ABLIM1: variants seen among roughly 807,000 people sequenced by gnomAD.
ABLIM1 encodes the protein actin-binding LIM protein 1.
In ABLIM1, 40 loss-of-function variants were observed where a neutral mutation model predicts 107.0. The ratio of observed to expected loss-of-function variants is 0.37; its 90% CI spans 0.29 to 0.49. The LOEUF (loss-of-function observed/expected upper bound fraction) is 0.49, where lower values mean the gene tolerates loss of function less well. Among genes scored for constraint, ABLIM1 ranks in the 20% least tolerant of loss-of-function variants. The pLI, the probability that ABLIM1 is intolerant of heterozygous loss-of-function variation, is 0.97. For synonymous variants in ABLIM1, 357 were observed against 357.3 expected (o/e 1.00, Z 0.01); for missense variants, 857 against 1,008.5 (o/e 0.85, Z 2.04).
intron 12 of ABLIM1, among the ~76,000 whole-genome samples, chr10:114,455,038 G>A (rs994814264): frequency 1.3e-5 from 2 of 152,114 alleles, no homozygotes; most frequent in African/African-American, 4.8e-5. Flanking sequence ...ATAGAGGTCT[G>A]GCCAGTTGCT....
At position 114,431,597 on chromosome 10, in the gene ABLIM1, T is replaced by C. The variant is rs1264319563; in HGVS notation, c.*4663A>G. 6.6e-6 allele frequency: 1 copy of C among 152,206 alleles called. No homozygotes were observed. The highest frequency in any genetic ancestry group is 2.1e-4 in the South Asian group (1 of 4,818). 9.4% of individuals were successfully genotyped at this position (152,206 alleles called of 1,614,324 possible). A position where few individuals can be genotyped will look rare whatever the true frequency, so the allele number is the denominator to read the frequency against. On this transcript the variant is annotated 3_prime_UTR_variant, in exon 23 of 23. Coordinates refer to ENST00000533213, the MANE Select transcript of ABLIM1 (RefSeq NM_002313.7). ...GTTTCCTCTGCTGTAAAGAAACGTATGCATATATGATCAGTAAGCAGCTCA... is the reference window on the plus strand; with the variant it reads ...GTTTCCTCTGCTGTAAAGAAACGTACGCATATATGATCAGTAAGCAGCTCA...
chr10:114,552,253 C>G (rs2068154963), intron 4 of ABLIM1, among the ~76,000 whole-genome samples: 1 of 152,152 alleles, frequency 6.6e-6, no homozygotes, highest in Admixed American at 6.5e-5. Context: ...CACGCTCACT[C>G]CAACTAAGCT....
At chr10:114,615,229 C>A (rs1163182186) in intron 1 of ABLIM1, among the ~76,000 whole-genome samples, 1 of 151,972 alleles carries the variant, frequency 6.6e-6, no homozygotes, top group Non-Finnish European at 1.5e-5. Flanking sequence ...ATGGAAGATG[C>A]GCTCTGGCCC....
chr10:114,575,409 C>T lies in ABLIM1; in HGVS notation c.563+7G>A, dbSNP rs899862583. 7 of 1,612,716 alleles carry T rather than the reference C, an allele frequency of 4.3e-6. No individual in the cohort carries two copies. Among genetic ancestry groups the T allele is most frequent in the Middle Eastern group, 1.7e-4 (1 of 6,058 alleles). ...GGTGTAGGCTTTGGAAAGATAGGCT[C>T]ACTTACTTGCAGATAGTACAAGCAA... is the stretch of plus-strand genomic sequence containing the variant. On this transcript the variant is annotated splice_region_variant and intron_variant, in intron 3 of 22. Transcript: ENST00000533213.
chr10:114,479,983 A>G (rs1457489473), intron 8 of ABLIM1, among the ~76,000 whole-genome samples: 2 of 152,236 alleles, frequency 1.3e-5, no homozygotes, highest in Non-Finnish European at 2.9e-5. Context: ...GTTCTCCAAC[A>G]CATTAACATA....
intron 2 of ABLIM1, among the ~76,000 whole-genome samples, chr10:114,590,248 T>C (rs2074707656): frequency 6.6e-6 from 1 of 152,156 alleles, no homozygotes; most frequent in Non-Finnish European, 1.5e-5. Context: ...AATGACCTAA[T>C]GATGTGTCTC....
rs1190121662 is a variant in ABLIM1, at chr10:114,437,877, T to G, written c.2190A>C (p.Lys730Asn). ...MLMVTNRGRN[K>N]ILREVDRTRL... is the part of the protein sequence containing the mutation. ...TGGTTCTGTCCACCTCTCTGAGGATTTTGTTTCGCCCTCTGTTGGTCACCA... is the reference window on the plus strand; with the variant it reads ...TGGTTCTGTCCACCTCTCTGAGGATGTTGTTTCGCCCTCTGTTGGTCACCA... The change falls in exon 22 of 23, where the codon AAA (lysine) becomes AAC (asparagine). Residue 730 changes from lysine to asparagine, a missense_variant. By Grantham distance (94) the Lys-to-Asn change is moderately conservative (BLOSUM62 0). Coordinates refer to ENST00000533213, the MANE Select transcript of ABLIM1 (RefSeq NM_002313.7). The G allele has an allele frequency of 8.1e-6, 13 of 1,614,176 alleles. No individual in the cohort carries two copies. In the East Asian group the frequency reaches 2.2e-4, roughly 28 times the overall value.
chr10:114,545,944 A>AC (rs2067281662), intron 5 of ABLIM1, among the ~76,000 whole-genome samples: 1 of 53,150 alleles, frequency 1.9e-5, no homozygotes, highest in African/African-American at 4.7e-5. Context: ...AAAAAAAAAC[A>AC]AAAAAAAAAA....
At chr10:114,488,594 C>A (rs959779944) in intron 7 of ABLIM1, among the ~76,000 whole-genome samples, 3 of 152,182 alleles carry the variant, frequency 2.0e-5, no homozygotes, top group Non-Finnish European at 2.9e-5. Flanking sequence ...GGCCTTCAAT[C>A]TTTTAAGTAA....
rs189886122 is a variant in ABLIM1 at position 114,579,017 on chromosome 10, C to T, written c.380-3418G>A. The stretch of plus-strand genomic sequence containing the variant: ...GGCCAGGCTGGTCTTGAACTCCTGA[C>T]CACAGGTGATCTGCCCACCTCAGCC... On this transcript the variant is annotated intron_variant, in intron 2 of 22. Transcript: ENST00000533213. Among the ~76,000 whole-genome samples the T allele has an allele frequency of 2.3e-3, 354 of 152,004 alleles. 3 individuals carry two copies. Among genetic ancestry groups the T allele is most frequent in the African/African-American group, 8.3e-3 (344 of 41,454 alleles).
At chr10:114,787,744 G>C in the ABLIM1 span, among the ~76,000 whole-genome samples, 1 of 139,720 alleles carries the variant, frequency 7.2e-6, no homozygotes, top group African/African-American at 2.6e-5. Flanking sequence ...CGCCCCGTCC[G>C]GGAGGTGAGG....
intron 1 of ABLIM1, among the ~76,000 whole-genome samples, chr10:114,646,226 G>A (rs975710256): frequency 2.3e-4 from 35 of 152,158 alleles, no homozygotes; most frequent in African/African-American, 6.5e-4. Context: ...CCTGAATAAC[G>A]TATACTAAGA....
At chr10:114,526,834 C>G in intron 6 of ABLIM1, 3 of 985,446 alleles carry the variant, frequency 3.0e-6, no homozygotes, top group Non-Finnish European at 3.6e-6. Flanking sequence ...CTCCGAAGCT[C>G]GGCTAAGGCA....
chr10:114,688,619 C>T (rs1049865725), upstream of ABLIM1, among the ~76,000 whole-genome samples: 3 of 152,104 alleles, frequency 2.0e-5, no homozygotes, highest in Admixed American at 6.5e-5. Context: ...GGACCATCAT[C>T]GTCTCCATTT....
In ABLIM1 at chr10:114,431,660, G is replaced by A. The variant is rs1452588713; in HGVS notation, c.*4600C>T. The A allele has an allele frequency of 6.6e-6, 1 of 152,156 alleles. No homozygotes were observed. The highest frequency in any genetic ancestry group is 2.4e-5 in the African/African-American group (1 of 41,420). The allele number at this position is 152,156 out of a possible 1,614,324, so 9.4% of individuals were successfully genotyped here. On this transcript the variant is annotated 3_prime_UTR_variant, in exon 23 of 23. Transcript: ENST00000533213. ...TGTCAAGGTCTACAGGATTGTCTCT[G>A]TCCACCTTTGGTCAATGGGTTCAGG...
At chr10:114,611,415 G>A (rs2076801141) in intron 1 of ABLIM1, among the ~76,000 whole-genome samples, 1 of 151,536 alleles carries the variant, frequency 6.6e-6, no homozygotes, top group East Asian at 1.9e-4. Context: ...AGAGGTTGCT[G>A]AGCTGAGATC....
intron 1 of ABLIM1, among the ~76,000 whole-genome samples, chr10:114,643,270 C>T (rs552592163): frequency 1.4e-4 from 22 of 152,240 alleles, no homozygotes; most frequent in African/African-American, 5.1e-4. Flanking sequence ...TAACAAAAAT[C>T]GGAGGTGAGT....
At chr10:114,740,634 C>T (rs1163171476) in intron 1 of ABLIM1, among the ~76,000 whole-genome samples, 1 of 152,014 alleles carries the variant, frequency 6.6e-6, no homozygotes, top group East Asian at 1.9e-4. Flanking sequence ...TAACTTGAGA[C>T]AGTAACTTGG....
chr10:114,533,334 C>T (rs2065645976), intron 6 of ABLIM1, among the ~76,000 whole-genome samples: 1 of 151,798 alleles, frequency 6.6e-6, no homozygotes, highest in African/African-American at 2.4e-5. Flanking sequence ...GAGGGAGACT[C>T]TGTCTCAAAA....
Sources: allele counts gnomAD v4.1 joint callset (sites outside exome capture counted in the v4.1 genomes callset), GRCh38; gene constraint gnomAD v4.1.1; transcripts MANE v1.5; gene names NCBI Gene and HGNC (gene_info 2026-07-23, HGNC 2026-07-21).